CLVS1: variants seen among roughly 807,000 people sequenced by gnomAD.
CLVS1 encodes the protein clavesin 1, also known as clavesin-1.
CLVS1 carries 10 observed loss-of-function variants against 33.1 expected under a neutral mutation model. The ratio of observed to expected loss-of-function variants is 0.30; its 90% confidence interval spans 0.19 to 0.51. CLVS1 has a LOEUF of 0.51. CLVS1 is among the 20% of genes least tolerant of loss of function. The pLI, the probability that CLVS1 is intolerant of heterozygous loss-of-function variation, is 0.97. For missense variants in CLVS1, 343 were observed against 433.4 expected (o/e 0.79, Z 1.85); for synonymous variants, 163 against 166.1 (o/e 0.98, Z 0.14).
intron 2 of CLVS1, among the ~76,000 whole-genome samples, chr8:61,134,961 G>A (rs1413274076): frequency 6.6e-6 from 1 of 151,806 alleles, no homozygotes; most frequent in East Asian, 1.9e-4. Flanking sequence ...GATTTAGGGT[G>A]GTATTGAAGA....
chr8:61,337,732 A>G (rs1478840184), intron 2 of CLVS1, among the ~76,000 whole-genome samples: 2 of 152,218 alleles, frequency 1.3e-5, no homozygotes. Flanking sequence ...AGGAAACTGA[A>G]CACCAGAATC....
chr8:61,263,030 G>A (rs940130517), intron 2 of CLVS1, among the ~76,000 whole-genome samples: 3 of 152,152 alleles, frequency 2.0e-5, no homozygotes, highest in African/African-American at 7.2e-5. Flanking sequence ...GTAATTTTTA[G>A]TGATTGAATC....
At chr8:61,417,110 A>C (rs910335663) in intron 3 of CLVS1, among the ~76,000 whole-genome samples, 1 of 152,182 alleles carries the variant, frequency 6.6e-6, no homozygotes, top group Admixed American at 6.5e-5. Context: ...GATGGGGAAG[A>C]CAGGCAGGAT....
chr8:61,369,567 C>T (rs1405000356), intron 2 of CLVS1, among the ~76,000 whole-genome samples: 1 of 152,208 alleles, frequency 6.6e-6, no homozygotes, highest in African/African-American at 2.4e-5. Flanking sequence ...CTATCATCTT[C>T]ATGAAAACAG....
At chr8:61,270,483 G>A (rs570518670) in intron 2 of CLVS1, among the ~76,000 whole-genome samples, 6 of 151,908 alleles carry the variant, frequency 3.9e-5, no homozygotes, top group Non-Finnish European at 8.8e-5. Flanking sequence ...CCCTTTTTTT[G>A]TTGTGTCTCT....
intron 2 of CLVS1, among the ~76,000 whole-genome samples, chr8:61,253,600 C>T (rs1335533455): frequency 6.6e-6 from 1 of 152,202 alleles, no homozygotes; most frequent in African/African-American, 2.4e-5. Flanking sequence ...TACCATATTT[C>T]TTGGAGGCTT....
chr8:61,032,997 GAAAGAAAGAAAGAAA>G, the CLVS1 span, among the ~76,000 whole-genome samples: 1 of 44,794 alleles, frequency 2.2e-5, no homozygotes, highest in African/African-American at 8.2e-5. Flanking sequence ...AGGAAGGAAA[GAAAGAAAGAAAGAAA>G]GAAAGAAAGA....
At chr8:61,410,678 G>C (rs537095199) in intron 3 of CLVS1, among the ~76,000 whole-genome samples, 34 of 152,044 alleles carry the variant, frequency 2.2e-4, no homozygotes, top group Admixed American at 5.9e-4. Flanking sequence ...ATCTTGCTCT[G>C]TCACCCCGGC....
intron 2 of CLVS1, among the ~76,000 whole-genome samples, chr8:61,269,038 A>T (rs1186009022): frequency 1.4e-5 from 2 of 145,194 alleles, no homozygotes; most frequent in Non-Finnish European, 3.0e-5. Context: ...CCCATTTGTC[A>T]ATTTTGTCTT....
At chr8:61,379,717 T>C (rs182086726) in intron 3 of CLVS1, among the ~76,000 whole-genome samples, 137 of 152,318 alleles carry the variant, frequency 9.0e-4, no homozygotes, top group African/African-American at 3.1e-3. Flanking sequence ...GGTAGTGCTC[T>C]TTGGGTCCAC....
chr8:61,455,178 T>TGTG (rs1817102970), intron 4 of CLVS1, among the ~76,000 whole-genome samples: 6 of 147,438 alleles, frequency 4.1e-5, no homozygotes, highest in Non-Finnish European at 7.5e-5. Context: ...TAATTATGAT[T>TGTG]TGTGTGTGTG....
rs147800428 is a variant in CLVS1 at position 61,442,693 on chromosome 8, G to A, written c.631-11448G>A. On this transcript the variant is annotated intron_variant, in intron 3 of 5. Transcript: ENST00000325897. ...TGGCTCACCACAACCTCCACCTCCC[G>A]GATTCAAGTGATTCTCCTGCCTCAG... 4.3e-3 allele frequency among the ~76,000 whole-genome samples: 659 copies of A among 152,156 alleles called. 4 individuals are homozygous for A. The highest frequency in any genetic ancestry group is 0.013 in the African/African-American group (553 of 41,494).
the CLVS1 span, among the ~76,000 whole-genome samples, chr8:61,036,714 T>A: frequency 6.6e-6 from 1 of 152,254 alleles, no homozygotes; most frequent in Non-Finnish European, 1.5e-5. Context: ...GATCCCTCTA[T>A]GTCTCAATTA....
chr8:61,032,659 C>T, the CLVS1 span, among the ~76,000 whole-genome samples: 1 of 152,138 alleles, frequency 6.6e-6, no homozygotes, highest in South Asian at 2.1e-4. Context: ...TGTGAAGCGC[C>T]TCTTCCATTT....
intron 2 of CLVS1, among the ~76,000 whole-genome samples, chr8:61,186,151 G>A (rs1454764066): frequency 6.6e-6 from 1 of 152,166 alleles, no homozygotes; most frequent in Admixed American, 6.5e-5. Context: ...GGGGAAAAGG[G>A]TCACAGAGAG....
intron 2 of CLVS1, among the ~76,000 whole-genome samples, chr8:61,373,633 A>G (rs537047717): frequency 1.3e-5 from 2 of 152,352 alleles, no homozygotes; most frequent in African/African-American, 4.8e-5. Context: ...CATTCAACTA[A>G]AAGTGCTCTC....
chr8:61,111,981 G>A (rs552335217), intron 1 of CLVS1, among the ~76,000 whole-genome samples: 1 of 151,834 alleles, frequency 6.6e-6, no homozygotes, highest in African/African-American at 2.4e-5. Flanking sequence ...TTTCAAATCG[G>A]TACTGTAGAA....
the CLVS1 span, among the ~76,000 whole-genome samples, chr8:60,970,817 T>A: frequency 6.6e-6 from 1 of 152,188 alleles, no homozygotes; most frequent in Non-Finnish European, 1.5e-5. Flanking sequence ...GGTGATTTCA[T>A]CCCCTCTATT....
chr8:61,014,412 C>T, the CLVS1 span, among the ~76,000 whole-genome samples: 20 of 152,200 alleles, frequency 1.3e-4, no homozygotes, highest in Admixed American at 8.5e-4. Flanking sequence ...CTTTTATCAA[C>T]GGCAGTAGCA....
Sources: gnomAD v4.1 joint callset for allele counts (sites outside exome capture counted in the v4.1 genomes callset) on GRCh38, gnomAD v4.1.1 for gene constraint, MANE v1.5 for transcripts, NCBI Gene and HGNC (gene_info 2026-07-23, HGNC 2026-07-21) for gene names.